The following PCDHGA3 variants were observed in gnomAD, a reference collection of about 807,000 sequenced individuals.
The protein encoded by PCDHGA3 is protocadherin gamma subfamily A, 3, also known as protocadherin gamma-A3.
In PCDHGA3, 40 loss-of-function variants were observed where a neutral mutation model predicts 58.5. The ratio of observed to expected loss-of-function variants is 0.68; its 90% CI spans 0.53 to 0.89. The LOEUF (loss-of-function observed/expected upper bound fraction) is 0.89, where lower values mean the gene tolerates loss of function less well. Among genes scored for constraint, PCDHGA3 ranks in the 40% least tolerant of loss-of-function variants. The pLI is 0.00. For missense variants in PCDHGA3, 1,223 were observed against 1,195.9 expected (o/e 1.02, Z -0.33); for synonymous variants, 530 against 525.7 (o/e 1.01, Z -0.11).
chr5:141,504,824 C>T (rs537283013), intron 2 of PCDHGA3, among the ~76,000 whole-genome samples: 4 of 152,230 alleles, frequency 2.6e-5, no homozygotes, highest in South Asian at 4.1e-4. Context: ...TAGGTCCCCA[C>T]TTTTTCTCTA....
intron 2 of PCDHGA3, among the ~76,000 whole-genome samples, chr5:141,499,192 C>T (rs1048812227): frequency 1.1e-4 from 17 of 152,106 alleles, no homozygotes; most frequent in South Asian, 2.1e-4. Flanking sequence ...CCATTTCCCC[C>T]TTCTTAGGCT....
intron 3 of PCDHGA3, among the ~76,000 whole-genome samples, chr5:141,510,117 T>C (rs1205620535): frequency 6.6e-6 from 1 of 151,908 alleles, no homozygotes; most frequent in East Asian, 1.9e-4. Context: ...TGTTTTGAAA[T>C]ACAAAAATTA....
rs1427934561 is a variant in PCDHGA3, at chr5:141,511,140, CAAG to C, written c.2773_2775del (p.Lys925del). The stretch of plus-strand genomic sequence containing the variant: ...AGGCCCCAGCAGGTGGCAATGGCAA[CAAG>C]AAGAAGTCGGGCAAGAAGGAGAAGA... On this transcript the variant is annotated inframe_deletion, in exon 4 of 4. Coordinates refer to ENST00000253812, the MANE Select transcript of PCDHGA3 (RefSeq NM_018916.4). 9 of 1,614,186 alleles carry C rather than the reference CAAG, an allele frequency of 5.6e-6. No individual in the cohort carries two copies. The East Asian group carries it at 6.7e-5, about 12-fold the overall frequency.
intron 1 of PCDHGA3, chr5:141,430,744 C>T: frequency 6.7e-7 from 1 of 1,498,404 alleles, no homozygotes; most frequent in Non-Finnish European, 8.9e-7. Flanking sequence ...GAAAATAATT[C>T]TGGAGGAAGA....
At chr5:141,429,814 T>C (rs554065871) in intron 1 of PCDHGA3, among the ~76,000 whole-genome samples, 3 of 152,322 alleles carry the variant, frequency 2.0e-5, no homozygotes, top group African/African-American at 7.2e-5. Flanking sequence ...TAATTACAAT[T>C]AGGTCAGTTA....
intron 1 of PCDHGA3, chr5:141,389,412 G>T (rs1039259671): frequency 5.6e-6 from 9 of 1,613,470 alleles, no homozygotes; most frequent in Non-Finnish European, 7.6e-6. Flanking sequence ...CGCGGAGAGC[G>T]GGGTGGTGTT....
At chr5:141,509,720 A>G (rs916316577) in intron 3 of PCDHGA3, among the ~76,000 whole-genome samples, 6 of 151,974 alleles carry the variant, frequency 3.9e-5, no homozygotes, top group Admixed American at 3.3e-4. Context: ...GTCTGATGTC[A>G]CCTAGCTGTG....
chr5:141,440,451 A>G (rs2098179077), intron 1 of PCDHGA3: 1 of 152,230 alleles, frequency 6.6e-6, no homozygotes, highest in Non-Finnish European at 1.5e-5. Flanking sequence ...CATCTCAAAA[A>G]AAATGAACAA....
intron 1 of PCDHGA3, chr5:141,382,835 CG>C: frequency 7.0e-7 from 1 of 1,431,186 alleles, no homozygotes. Context: ...GGGGTCCACC[CG>C]GATACACCCG....
At chr5:141,421,960 C>G in intron 1 of PCDHGA3, 3 of 1,612,526 alleles carry the variant, frequency 1.9e-6, no homozygotes, top group Non-Finnish European at 2.5e-6. Context: ...AATGTTTACA[C>G]AGTCCGTATA....
At chr5:141,464,430 T>C (rs1213919443) in intron 1 of PCDHGA3, among the ~76,000 whole-genome samples, 1 of 151,680 alleles carries the variant, frequency 6.6e-6, no homozygotes, top group Non-Finnish European at 1.5e-5. Flanking sequence ...TATATAGATA[T>C]ATATGTTTGT....
At chr5:141,351,068 A>G in intron 1 of PCDHGA3, 3 of 1,614,100 alleles carry the variant, frequency 1.9e-6, no homozygotes, top group East Asian at 2.2e-5. Flanking sequence ...GGATGAGGGC[A>G]TTAATGCAGA....
chr5:141,383,943 T>C (rs1229813206), intron 1 of PCDHGA3: 1 of 1,613,674 alleles, frequency 6.2e-7, no homozygotes, highest in Admixed American at 1.7e-5. Flanking sequence ...CAGAAGTGAC[T>C]ATGACGTCTT....
At chr5:141,509,574 G>A (rs554778751) in intron 3 of PCDHGA3, among the ~76,000 whole-genome samples, 7 of 152,182 alleles carry the variant, frequency 4.6e-5, no homozygotes, top group Non-Finnish European at 5.9e-5. Flanking sequence ...TTCACAGTGC[G>A]TACAAATCAG....
intron 1 of PCDHGA3, chr5:141,408,609 A>G (rs765291231): frequency 1.2e-5 from 19 of 1,613,970 alleles, no homozygotes; most frequent in Non-Finnish European, 3.4e-6. Flanking sequence ...TTTGATAAAA[A>G]GGAAATACAT....
At chr5:141,472,980 C>CAAAAAAAAAAAA (rs60579131) in intron 1 of PCDHGA3, among the ~76,000 whole-genome samples, 2 of 86,098 alleles carry the variant, frequency 2.3e-5, no homozygotes, top group African/African-American at 3.9e-5. Context: ...GAGTGAAACT[C>CAAAAAAAAAAAA]AAAAAAAAAA....
intron 1 of PCDHGA3, among the ~76,000 whole-genome samples, chr5:141,452,542 C>T (rs2098743637): frequency 6.6e-6 from 1 of 152,180 alleles, no homozygotes; most frequent in Admixed American, 6.6e-5. Flanking sequence ...CATATTGATA[C>T]CTCCAGTTCT....
At chr5:141,388,676 G>A in intron 1 of PCDHGA3, 7 of 1,613,946 alleles carry the variant, frequency 4.3e-6, no homozygotes, top group East Asian at 2.2e-5. Flanking sequence ...TGCTACAGGT[G>A]ACTGCCACGG....
intron 1 of PCDHGA3, chr5:141,405,602 A>C: frequency 1.7e-6 from 1 of 572,914 alleles, no homozygotes; most frequent in South Asian, 2.3e-5. Flanking sequence ...CCCAAGTAGA[A>C]TAACTGGGAC....
Sources: gnomAD v4.1 joint callset for allele counts (sites outside exome capture counted in the v4.1 genomes callset) on GRCh38, gnomAD v4.1.1 for gene constraint, MANE v1.5 for transcripts, NCBI Gene and HGNC (gene_info 2026-07-23, HGNC 2026-07-21) for gene names.